Variants in COIL observed in about 807,000 individuals in gnomAD.
The protein encoded by COIL is coilin.
Under a neutral mutation model 51.6 loss-of-function variants are expected in COIL, and 28 were observed. The observed-to-expected ratio is 0.54, with a 90% CI of 0.40 to 0.74. The LOEUF (loss-of-function observed/expected upper bound fraction) is 0.74, where lower values mean the gene tolerates loss of function less well. COIL is among the 30% of genes least tolerant of loss of function. COIL has a pLI of 0.00. For missense variants in COIL, 667 were observed against 685.9 expected (o/e 0.97, Z 0.31); for synonymous variants, 233 against 255.8 (o/e 0.91, Z 0.85).
At chr17:56,955,330 T>C (rs1910462922) in intron 1 of COIL, among the ~76,000 whole-genome samples, 1 of 152,200 alleles carries the variant, frequency 6.6e-6, no homozygotes, top group South Asian at 2.1e-4. Flanking sequence ...CCCAAAAGTG[T>C]TAGCATTACA....
chr17:56,950,270 G>A lies in COIL; in HGVS notation c.972C>T (p.Asp324=), dbSNP rs780997653. Residue 324 remains aspartate (D), a synonymous_variant, in exon 2 of 7, where the codon GAC becomes GAT. Coordinates refer to ENST00000240316, the MANE Select transcript of COIL (RefSeq NM_004645.3). ...TGCTCGATGACATCAAGCATTGGTCGTCTGACTCTGCACTAGAGTCTGAAC... is the reference window on the plus strand; with the variant it reads ...TGCTCGATGACATCAAGCATTGGTCATCTGACTCTGCACTAGAGTCTGAAC... The part of the protein sequence containing the change: ...SSSSDSSAES[D]DQCLMSSSTP... 10 of 1,614,088 alleles carry A rather than the reference G, an allele frequency of 6.2e-6. No homozygotes were observed. Among genetic ancestry groups the A allele is most frequent in the African/African-American group, 1.3e-5 (1 of 74,940 alleles).
intron 5 of COIL, among the ~76,000 whole-genome samples, chr17:56,943,210 CTTTCTA>C (rs1292715241): frequency 2.0e-5 from 3 of 152,206 alleles, no homozygotes; most frequent in African/African-American, 7.2e-5. Context: ...TTTGAAACTG[CTTTCTA>C]CATTTTATCC....
intron 1 of COIL, among the ~76,000 whole-genome samples, chr17:56,956,945 A>G (rs1910494891): frequency 6.6e-6 from 1 of 152,180 alleles, no homozygotes; most frequent in African/African-American, 2.4e-5. Context: ...GACAGAATGC[A>G]CTGTTTCCTT....
intron 3 of COIL, 71 bp from the exon 4 acceptor site, chr17:56,949,505 C>A: frequency 2.0e-6 from 3 of 1,524,808 alleles, no homozygotes; most frequent in Non-Finnish European, 2.7e-6. Flanking sequence ...GCTCCTCCAT[C>A]ATGCCATGTT....
chr17:56,949,850 G>C, intron 2 of COIL, 39 bp downstream of exon 2: 2 of 1,610,822 alleles, frequency 1.2e-6, no homozygotes, highest in Non-Finnish European at 1.7e-6. Context: ...ACATTCTAAG[G>C]GGAAAGGGAG....
rs545259685 is a variant in COIL, at chr17:56,956,631, G to C, written c.245+4144C>G. On this transcript the variant is annotated intron_variant, in intron 1 of 6. Transcript: ENST00000240316. The stretch of plus-strand genomic sequence containing the variant: ...TTTTGAGGTAGGGTCTCACTCTGTC[G>C]CCCAGGCTGCAGCGCAGTGGCACCA... Among the ~76,000 whole-genome samples the C allele has an allele frequency of 4.6e-5, 7 of 151,824 alleles. No homozygotes were observed. The South Asian group carries it at 1.5e-3, about 32-fold the overall frequency.
Position 56,939,076 on chromosome 17 carries a change from C to A in COIL, c.1726G>T (p.Ala576Ser), listed in dbSNP as rs1428429226. ...SPSNTSSTEP[A>S] ...ATAAGGTGGAGAGGTCATACTCAGG[C>A]AGGTTCTGTACTTGATGTGTTACTT... The change falls in exon 7 of 7, where the codon GCC (alanine) becomes TCC (serine). Residue 576 changes from alanine to serine, a missense_variant. Ala to Ser is a moderately conservative substitution (Grantham distance 99). Transcript: ENST00000240316. 1.9e-6 allele frequency: 3 copies of A among 1,560,058 alleles called. No homozygotes were observed. Among genetic ancestry groups the A allele is most frequent in the Non-Finnish European group, 2.7e-6 (3 of 1,131,600 alleles).
intron 1 of COIL, among the ~76,000 whole-genome samples, chr17:56,959,939 G>A (rs966871570): frequency 1.3e-5 from 2 of 152,270 alleles, no homozygotes; most frequent in African/African-American, 2.4e-5. Context: ...ATTCCAGCCA[G>A]GCGCGGAGGC....
intron 5 of COIL, among the ~76,000 whole-genome samples, chr17:56,942,632 C>T (rs1185582932): frequency 6.6e-6 from 1 of 152,158 alleles, no homozygotes; most frequent in African/African-American, 2.4e-5. Flanking sequence ...TCTTGTGCCT[C>T]AGCCTCCTGA....
intron 4 of COIL, among the ~76,000 whole-genome samples, chr17:56,948,736 T>C (rs990712283): frequency 3.3e-5 from 5 of 150,644 alleles, no homozygotes; most frequent in African/African-American, 1.2e-4. Flanking sequence ...CATACAGATA[T>C]TAAGTAAGTA....
At chr17:56,942,585 G>A (rs1452729919) in intron 5 of COIL, among the ~76,000 whole-genome samples, 2 of 151,828 alleles carry the variant, frequency 1.3e-5, no homozygotes, top group African/African-American at 2.4e-5. Flanking sequence ...GCGCAATCTC[G>A]ACTCACTACA....
chr17:56,944,407 A>G (rs1255136544), intron 5 of COIL, among the ~76,000 whole-genome samples: 1 of 151,852 alleles, frequency 6.6e-6, no homozygotes, highest in African/African-American at 2.4e-5. Flanking sequence ...CCTGGCTAAC[A>G]CAGTGAAACC....
chr17:56,952,352 A>T (rs530897279), intron 1 of COIL: 1 of 445,506 alleles, frequency 2.2e-6, no homozygotes, highest in South Asian at 1.7e-5. Context: ...ATAGACCACG[A>T]AGAAGCAAGA....
rs752380401 is a variant in COIL, at chr17:56,951,010, A to G, written c.246-14T>C. ...TCTAATTTAACTCTGTCAAAAGAAC[A>G]AGAGAGAAAGCTAGAGTGAGCAATT... On this transcript the variant is annotated splice_polypyrimidine_tract_variant and intron_variant, in intron 1 of 6. Coordinates refer to ENST00000240316, the MANE Select transcript of COIL (RefSeq NM_004645.3). The G allele has an allele frequency of 4.4e-6, 7 of 1,587,794 alleles. No individual in the cohort carries two copies. Among genetic ancestry groups the G allele is most frequent in the Non-Finnish European group, 6.0e-6 (7 of 1,173,924 alleles).
chr17:56,940,069 T>C (rs1376392711), intron 6 of COIL: 1 of 152,082 alleles, frequency 6.6e-6, no homozygotes. Flanking sequence ...TATGAATGAA[T>C]AATGAGGGCC....
At chr17:56,939,831 GAGC>G (rs1333144805) in intron 6 of COIL, 4 of 152,060 alleles carry the variant, frequency 2.6e-5, no homozygotes, top group African/African-American at 9.7e-5. Context: ...CTTTGATTAA[GAGC>G]AGGAGATGCA....
At chr17:56,953,842 C>G (rs1275000189) in intron 1 of COIL, among the ~76,000 whole-genome samples, 1 of 152,038 alleles carries the variant, frequency 6.6e-6, no homozygotes, top group Non-Finnish European at 1.5e-5. Flanking sequence ...GAGAAAGAGA[C>G]AAATAAAATG....
At chr17:56,939,542 G>A (rs1910106797) in intron 6 of COIL, among the ~76,000 whole-genome samples, 1 of 152,052 alleles carries the variant, frequency 6.6e-6, no homozygotes, top group East Asian at 1.9e-4. Context: ...CTAAAGTCAG[G>A]AGTTCAAGAC....
intron 6 of COIL, among the ~76,000 whole-genome samples, chr17:56,939,743 A>AAAATAAAT (rs60161322): frequency 2.0e-4 from 31 of 152,160 alleles, no homozygotes; most frequent in East Asian, 5.8e-4. Flanking sequence ...CTGTGCTGGG[A>AAAATAAAT]AAATAAATAA....
Sources: gnomAD v4.1 joint callset for allele counts (sites outside exome capture counted in the v4.1 genomes callset) on GRCh38, gnomAD v4.1.1 for gene constraint, MANE v1.5 for transcripts, NCBI Gene and HGNC (gene_info 2026-07-23, HGNC 2026-07-21) for gene names.